JAZF1: variants seen among roughly 807,000 people sequenced by gnomAD.
JAZF1 encodes JAZF zinc finger 1.
JAZF1 carries 8 observed loss-of-function variants against 26.4 expected under a neutral mutation model. The observed-to-expected ratio is 0.30, with a 90% confidence interval of 0.18 to 0.55. The LOEUF is 0.55. JAZF1 is among the 20% of genes least tolerant of loss of function. The probability of loss-of-function intolerance (pLI) is 0.94; values close to 1 mark genes in which losing one functional copy is unlikely to be tolerated. For synonymous variants in JAZF1, 126 were observed against 122.3 expected (o/e 1.03, Z -0.20); for missense variants, 199 against 322.0 (o/e 0.62, Z 2.92).
chr7:28,017,605 G>A (rs1310979773), intron 1 of JAZF1, among the ~76,000 whole-genome samples: 1 of 152,196 alleles, frequency 6.6e-6, no homozygotes, highest in Non-Finnish European at 1.5e-5. Flanking sequence ...TGCAGGCAGT[G>A]AGTCATCCAT....
At chr7:27,850,558 G>A (rs1415224883) in intron 3 of JAZF1, among the ~76,000 whole-genome samples, 2 of 152,208 alleles carry the variant, frequency 1.3e-5, no homozygotes, top group South Asian at 2.1e-4. Flanking sequence ...GACACTGCTG[G>A]AACCACAAGG....
chr7:28,032,949 G>A (rs1192877528), intron 1 of JAZF1, among the ~76,000 whole-genome samples: 1 of 152,078 alleles, frequency 6.6e-6, no homozygotes, highest in Non-Finnish European at 1.5e-5. Flanking sequence ...ACAAGGAGGC[G>A]AAAGCAACCC....
intron 2 of JAZF1, among the ~76,000 whole-genome samples, chr7:27,895,734 G>A (rs1784052470): frequency 6.6e-6 from 1 of 152,150 alleles, no homozygotes; most frequent in Admixed American, 6.5e-5. Flanking sequence ...TGGAAGGTCT[G>A]CTCTCTTTTT....
At chr7:27,993,691 A>G (rs1047075682) in intron 1 of JAZF1, among the ~76,000 whole-genome samples, 10 of 152,172 alleles carry the variant, frequency 6.6e-5, no homozygotes, top group African/African-American at 2.4e-4. Context: ...TAGAGATAAA[A>G]ATCATGAAAA....
At chr7:28,154,960 G>A (rs1411749563) in intron 1 of JAZF1, among the ~76,000 whole-genome samples, 1 of 151,794 alleles carries the variant, frequency 6.6e-6, no homozygotes, top group Non-Finnish European at 1.5e-5. Flanking sequence ...AAAAGTAAAA[G>A]CTTAGAAGTA....
At chr7:27,878,115 G>C (rs1209006498) in intron 3 of JAZF1, among the ~76,000 whole-genome samples, 1 of 152,184 alleles carries the variant, frequency 6.6e-6, no homozygotes, top group Non-Finnish European at 1.5e-5. Context: ...GGGGTCTCAG[G>C]AGTGAACTAC....
intron 2 of JAZF1, among the ~76,000 whole-genome samples, chr7:27,948,291 G>A (rs1033496127): frequency 2.0e-5 from 3 of 152,144 alleles, no homozygotes; most frequent in Non-Finnish European, 4.4e-5. Flanking sequence ...CGGTGCTCCA[G>A]CTTATCATTG....
At chr7:28,158,149 G>GCGCGCGCGCACA (rs1554292371) in intron 1 of JAZF1, among the ~76,000 whole-genome samples, 1 of 131,818 alleles carries the variant, frequency 7.6e-6, no homozygotes, top group African/African-American at 2.9e-5. Context: ...AAACACGCGC[G>GCGCGCGCGCACA]CACACACACA....
intron 1 of JAZF1, among the ~76,000 whole-genome samples, chr7:28,123,956 T>G (rs1782649165): frequency 6.6e-6 from 1 of 152,216 alleles, no homozygotes; most frequent in Non-Finnish European, 1.5e-5. Context: ...TTTTGACTGC[T>G]GAGAAAGAAC....
chr7:28,023,229 A>G (rs966719233), intron 1 of JAZF1, among the ~76,000 whole-genome samples: 1 of 152,164 alleles, frequency 6.6e-6, no homozygotes, highest in African/African-American at 2.4e-5. Context: ...GTTCTATAGA[A>G]AATTTTGAAG....
At chr7:28,136,334 C>G (rs1782885863) in intron 1 of JAZF1, among the ~76,000 whole-genome samples, 1 of 152,170 alleles carries the variant, frequency 6.6e-6, no homozygotes, top group Non-Finnish European at 1.5e-5. Context: ...TAACTCTAAC[C>G]CAATACCCTT....
intron 1 of JAZF1, among the ~76,000 whole-genome samples, chr7:28,090,173 A>G (rs1784271624): frequency 6.6e-6 from 1 of 152,226 alleles, no homozygotes; most frequent in Non-Finnish European, 1.5e-5. Flanking sequence ...AATCAGTTTA[A>G]TGATTGAACC....
rs578001678 is a variant in JAZF1, at chr7:27,914,128, GT to G, written c.189-18713del. Reference sequence around the variant, plus strand: ...ATGTGGAGAGAACCGCCTGCTATCTGTTTGCTATGTGGGTTGAAAATTTTTG... The same window carrying G: ...ATGTGGAGAGAACCGCCTGCTATCTGTTGCTATGTGGGTTGAAAATTTTTG... On this transcript the variant is annotated intron_variant, in intron 2 of 4. Transcript: ENST00000283928. 5.1e-3 allele frequency among the ~76,000 whole-genome samples: 772 copies of G among 152,282 alleles called. 5 individuals are homozygous for G. Among genetic ancestry groups the G allele is most frequent in the African/African-American group, 0.018 (734 of 41,550 alleles).
At chr7:28,089,664 A>G (rs1039105883) in intron 1 of JAZF1, among the ~76,000 whole-genome samples, 3 of 152,214 alleles carry the variant, frequency 2.0e-5, no homozygotes, top group Non-Finnish European at 4.4e-5. Context: ...AAAACACTTA[A>G]GTAATCCTGT....
chr7:27,943,993 T>G (rs1784888799), intron 2 of JAZF1, among the ~76,000 whole-genome samples: 1 of 152,244 alleles, frequency 6.6e-6, no homozygotes, highest in Non-Finnish European at 1.5e-5. Context: ...GAAATTATTT[T>G]GTACCACACT....
chr7:27,869,031 A>C (rs1783533799), intron 3 of JAZF1, among the ~76,000 whole-genome samples: 1 of 152,180 alleles, frequency 6.6e-6, no homozygotes, highest in Admixed American at 6.5e-5. Context: ...ATGTATTGTT[A>C]TGTATTGCTA....
intron 3 of JAZF1, among the ~76,000 whole-genome samples, chr7:27,891,127 T>C (rs916061740): frequency 1.3e-5 from 2 of 152,212 alleles, no homozygotes; most frequent in African/African-American, 4.8e-5. Flanking sequence ...GTATGAATTA[T>C]CTTAACACTT....
Position 27,895,324 on chromosome 7 carries a change from C to T in JAZF1, c.281G>A (p.Arg94Gln), listed in dbSNP as rs748165340. The T allele has an allele frequency of 3.1e-6, 5 of 1,611,150 alleles. No individual in the cohort carries two copies. The highest frequency in any genetic ancestry group is 4.2e-6 in the Non-Finnish European group (5 of 1,178,944). Reference protein sequence around the residue: ...LSLTLSSSVSRGNVSTPPRHS... With the variant: ...LSLTLSSSVSQGNVSTPPRHS... Reference sequence around the variant, plus strand: ...GCGTGGGGGAGTGGACACATTCCCTCGAGACACTGAGCTGGACAGAGTCAG... The same window carrying T: ...GCGTGGGGGAGTGGACACATTCCCTTGAGACACTGAGCTGGACAGAGTCAG... The change falls in exon 3 of 5, where the codon CGA becomes CAA. Residue 94 changes from arginine to glutamine, a missense_variant. Physicochemically the swap from Arg to Gln is conservative, Grantham distance 43. Coordinates refer to ENST00000283928, the MANE Select transcript of JAZF1 (RefSeq NM_175061.4).
intron 1 of JAZF1, among the ~76,000 whole-genome samples, chr7:28,156,727 C>A (rs1783191223): frequency 6.6e-6 from 1 of 152,034 alleles, no homozygotes; most frequent in Admixed American, 6.6e-5. Context: ...TACAATAATC[C>A]AGAAAATACT....
Sources: gnomAD v4.1 joint callset for allele counts (sites outside exome capture counted in the v4.1 genomes callset) on GRCh38, gnomAD v4.1.1 for gene constraint, MANE v1.5 for transcripts, NCBI Gene and HGNC (gene_info 2026-07-23, HGNC 2026-07-21) for gene names.